CDKL2: variants seen among roughly 807,000 people sequenced by gnomAD.
CDKL2 encodes cyclin dependent kinase like 2.
CDKL2 carries 64 observed loss-of-function variants against 63.9 expected under a neutral mutation model. The ratio of observed to expected loss-of-function variants is 1.00; its 90% CI spans 0.82 to 1.23. The LOEUF (loss-of-function observed/expected upper bound fraction) is 1.23. Among genes scored for constraint, CDKL2 ranks in the 50% most tolerant of loss-of-function variants. The probability of loss-of-function intolerance (pLI) is 0.00; values close to 1 mark genes in which losing one functional copy is unlikely to be tolerated. For missense variants in CDKL2, 656 were observed against 668.0 expected, an observed-to-expected ratio of 0.98 and a Z score of 0.20; for synonymous variants, 211 against 229.2, an observed-to-expected ratio of 0.92 and a Z score of 0.72.
rs752130398 is a variant in CDKL2, at chr4:75,597,220, G to A, written c.1037C>T (p.Pro346Leu). 6.2e-7 allele frequency: 1 copy of A among 1,602,126 alleles called. No individual in the cohort carries two copies. The highest frequency in any genetic ancestry group is 1.1e-5 in the South Asian group (1 of 90,538). Reference sequence around the variant, plus strand: ...AAATAGTTTATAATCCTTAATTTTGGGATCAGCATTGGTATCCTGATCATT... The same window carrying A: ...AAATAGTTTATAATCCTTAATTTTGAGATCAGCATTGGTATCCTGATCATT... ...TLVVQDTNAD[P>L]KIKDYKLFKI... Residue 346 changes from proline to leucine, a missense_variant, in exon 9 of 14, where the codon CCC becomes CTC. Pro to Leu is a moderately conservative substitution (Grantham distance 98, BLOSUM62 -3). Coordinates refer to ENST00000307465, the MANE Select transcript of CDKL2 (RefSeq NM_001330724.2).
intron 2 of CDKL2, among the ~76,000 whole-genome samples, chr4:75,620,923 C>A (rs1007845002): frequency 4.3e-5 from 6 of 138,062 alleles, no homozygotes; most frequent in African/African-American, 1.6e-4. Context: ...TGTGAAGCAA[C>A]AATTATAGCT....
At chr4:75,629,721 C>T (rs1346702752) in intron 1 of CDKL2, among the ~76,000 whole-genome samples, 1 of 152,084 alleles carries the variant, frequency 6.6e-6, no homozygotes, top group African/African-American at 2.4e-5. Flanking sequence ...GGGCGGATCA[C>T]CTGAGGTTGC....
intron 2 of CDKL2, among the ~76,000 whole-genome samples, chr4:75,621,041 T>G (rs1730131041): frequency 6.6e-6 from 1 of 151,650 alleles, no homozygotes; most frequent in African/African-American, 2.4e-5. Context: ...GTTCAAGAGA[T>G]TCTCCTGCCT....
chr4:75,591,806 A>G lies in CDKL2; in HGVS notation c.1647+13T>C, dbSNP rs766050227. 40 of 1,499,526 alleles carry G rather than the reference A, an allele frequency of 2.7e-5. 1 individual carries two copies. The Middle Eastern group carries it at 3.0e-3, about 114-fold the overall frequency. The allele number at this position is 1,499,526 out of a possible 1,614,324, so 92.9% of individuals were successfully genotyped here. ...CCCGAGTTCTGTCCATCCTATAAAG[A>G]GTATTTCTGTACCTGATGTAATGTA... On this transcript the variant is annotated intron_variant, in intron 12 of 13. Transcript: ENST00000307465.
intron 2 of CDKL2, among the ~76,000 whole-genome samples, chr4:75,622,325 A>C (rs923747180): frequency 6.6e-6 from 1 of 152,188 alleles, no homozygotes; most frequent in Non-Finnish European, 1.5e-5. Context: ...TATACTTTAC[A>C]TCTAACGACA....
chr4:75,620,595 A>C (rs1730112507), intron 2 of CDKL2, among the ~76,000 whole-genome samples: 1 of 152,366 alleles, frequency 6.6e-6, no homozygotes, highest in Admixed American at 6.5e-5. Context: ...GAAAAAGATA[A>C]TATAGTAAAA....
At chr4:75,610,509 G>C (rs1195532112) in intron 3 of CDKL2, among the ~76,000 whole-genome samples, 1 of 152,032 alleles carries the variant, frequency 6.6e-6, no homozygotes, top group Non-Finnish European at 1.5e-5. Context: ...GCTCTGACAT[G>C]GGTCTTTAAT....
At chr4:75,614,217 A>G in intron 3 of CDKL2, 38 bp downstream of exon 3, 1 of 1,313,126 alleles carries the variant, frequency 7.6e-7, no homozygotes, top group Non-Finnish European at 1.1e-6. Flanking sequence ...TAATGAATAA[A>G]TATGTGATAA....
intron 13 of CDKL2, among the ~76,000 whole-genome samples, chr4:75,580,727 G>A (rs1310420270): frequency 7.0e-6 from 1 of 142,792 alleles, no homozygotes; most frequent in African/African-American, 2.6e-5. Context: ...TTGAGACGGA[G>A]TCTCGCTCTG....
intron 5 of CDKL2, 78 bp downstream of exon 5, chr4:75,605,443 TA>T: frequency 1.2e-6 from 1 of 837,030 alleles, no homozygotes; most frequent in Non-Finnish European, 1.9e-6. Flanking sequence ...TGCAACAGCT[TA>T]AAAAATCACA....
chr4:75,607,417 C>T, intron 3 of CDKL2, 56 bp from the exon 4 acceptor site: 3 of 1,384,832 alleles, frequency 2.2e-6, no homozygotes, highest in Non-Finnish European at 3.0e-6. Flanking sequence ...TTTTGGGGCA[C>T]CTGCTATGTG....
At position 75,590,612 on chromosome 4, in the gene CDKL2, G is replaced by C. The variant is rs141731544; in HGVS notation, c.1647+1207C>G. ...CACCTGTAATCCCAGCTGATTGGGA[G>C]GCTGAGGCACAAGAATCACTTGAAC... On this transcript the variant is annotated intron_variant, in intron 12 of 13. Coordinates refer to ENST00000307465, the MANE Select transcript of CDKL2 (RefSeq NM_001330724.2). Among the ~76,000 whole-genome samples, 276 of 152,282 alleles carry C rather than the reference G, an allele frequency of 1.8e-3. 2 individuals are homozygous for C. The highest frequency in any genetic ancestry group is 6.5e-3 in the African/African-American group (269 of 41,562).
chr4:75,592,791 C>A (rs544428917), intron 10 of CDKL2, among the ~76,000 whole-genome samples: 2 of 152,196 alleles, frequency 1.3e-5, no homozygotes, highest in Admixed American at 1.3e-4. Context: ...ATACTATCTT[C>A]CCAGGAATAC....
At chr4:75,618,990 T>C (rs1167155025) in intron 2 of CDKL2, among the ~76,000 whole-genome samples, 1 of 152,156 alleles carries the variant, frequency 6.6e-6, no homozygotes, top group Non-Finnish European at 1.5e-5. Flanking sequence ...GAATATCACC[T>C]CTGGACAAAG....
rs934830215 is a variant in CDKL2 at position 75,589,406 on chromosome 4, G to A, written c.1647+2413C>T. ...TGCAAGCTCCGCCTCCCGGGTTCAC[G>A]CCATTCTCCTGCCTCAGCCTCCCAA... On this transcript the variant is annotated intron_variant, in intron 12 of 13. Coordinates refer to ENST00000307465, the MANE Select transcript of CDKL2 (RefSeq NM_001330724.2). Among the ~76,000 whole-genome samples, 438 of 141,590 alleles carry A rather than the reference G, an allele frequency of 3.1e-3. 1 individual carries two copies. Among genetic ancestry groups the A allele is most frequent in the Admixed American group, 5.0e-3 (67 of 13,352 alleles). The allele number at this position is 141,590 out of a possible 152,430, so 92.9% of individuals were successfully genotyped here.
In CDKL2 at chr4:75,607,204, A is replaced by G. The variant is rs761009943; in HGVS notation, c.521T>C (p.Val174Ala). 5.0e-6 allele frequency: 8 copies of G among 1,610,080 alleles called. No homozygotes were observed. In the East Asian group the frequency reaches 1.8e-4, roughly 36 times the overall value. ...TRWYRAPELL[V>A]GDVKYGKAVD... Reference sequence around the variant, plus strand: ...TTACTTGCCATACTTGACATCACCAACCAATAGTTCTGGAGCTCTGTACCA... The same window carrying G: ...TTACTTGCCATACTTGACATCACCAGCCAATAGTTCTGGAGCTCTGTACCA... The change falls in exon 4 of 14, where the codon GTT becomes GCT. Residue 174 changes from valine (V) to alanine (A), a missense_variant. Transcript: ENST00000307465.
intron 12 of CDKL2, among the ~76,000 whole-genome samples, chr4:75,582,979 G>A (rs147093146): frequency 9.9e-5 from 15 of 152,182 alleles, no homozygotes; most frequent in African/African-American, 3.6e-4. Flanking sequence ...GTAAAATAAA[G>A]TCATTCTCAA....
Position 75,591,902 on chromosome 4 carries a change from T to G in CDKL2, c.1564A>C (p.Lys522Gln). ...GATTCTGAAAGAATTTTGCTCTCTT[T>G]CTTTGTTAGCCTGGAATTTCGAGCT... ...GIARNSRLTKKESKILSESRI... is the reference protein window; with the variant it reads ...GIARNSRLTKQESKILSESRI... The change falls in exon 12 of 14, where the codon AAA (lysine) becomes CAA (glutamine). Residue 522 changes from lysine (K) to glutamine (Q), a missense_variant. By Grantham distance (53) the Lys-to-Gln change is moderately conservative. Transcript: ENST00000307465. 1 of 1,535,982 alleles carries G rather than the reference T, an allele frequency of 6.5e-7. No individual in the cohort carries two copies. Among genetic ancestry groups the G allele is most frequent in the Non-Finnish European group, 8.7e-7 (1 of 1,146,804 alleles).
At position 75,591,877 on chromosome 4, in the gene CDKL2, G is replaced by T; in HGVS notation, c.1589C>A (p.Ser530Tyr). 1.3e-6 allele frequency: 2 copies of T among 1,536,036 alleles called. No homozygotes were observed. The highest frequency in any genetic ancestry group is 1.7e-6 in the Non-Finnish European group (2 of 1,146,874). Residue 530 changes from serine to tyrosine, a missense_variant, in exon 12 of 14, where the codon TCT becomes TAT. Coordinates refer to ENST00000307465, the MANE Select transcript of CDKL2 (RefSeq NM_001330724.2). Reference protein sequence around the residue: ...TKKESKILSESRIPSLAAIDL... With the variant: ...TKKESKILSEYRIPSLAAIDL... ...AATAGCAGCCAGAGAAGGAATTCGA[G>T]ATTCTGAAAGAATTTTGCTCTCTTT...
Sources: gnomAD v4.1 joint callset for allele counts (sites outside exome capture counted in the v4.1 genomes callset) on GRCh38, gnomAD v4.1.1 for gene constraint, MANE v1.5 for transcripts, NCBI Gene and HGNC (gene_info 2026-07-23, HGNC 2026-07-21) for gene names.